The following UPRT variants were observed in gnomAD, a reference collection of about 807,000 sequenced individuals.
UPRT encodes RP11-311P8.3.
A neutral mutation model predicts 22.6 loss-of-function variants in UPRT; 5 were observed. The observed-to-expected ratio is 0.22, with a 90% CI of 0.12 to 0.47. The LOEUF is 0.47. Ranked by LOEUF, UPRT falls within the 20% of genes least tolerant of loss-of-function variation. The pLI is 0.99. For missense variants in UPRT, 181 were observed against 239.9 expected (o/e 0.75, Z 1.62); for synonymous variants, 77 against 87.7 (o/e 0.88, Z 0.68).
At chrX:75,271,740 T>C (rs1014993819), upstream of UPRT, among the ~76,000 whole-genome samples, 7 of 111,659 alleles carry the variant, frequency 6.3e-5, no homozygotes, top group Non-Finnish European at 1.1e-4. Flanking sequence ...CTTCACAATC[T>C]ATACATCTGA....
chrX:75,177,614 T>C (rs997755020), intron 4 of UPRT, among the ~76,000 whole-genome samples: 27 of 111,696 alleles, frequency 2.4e-4, no homozygotes, highest in African/African-American at 8.5e-4. Context: ...TCTCTAGGGC[T>C]GGAGGAGTGA....
At chrX:75,213,988 A>G (rs1363524879) in intron 4 of UPRT, among the ~76,000 whole-genome samples, 1 of 112,063 alleles carries the variant, frequency 8.9e-6, no homozygotes, top group East Asian at 2.8e-4. Context: ...TTTAATTAAC[A>G]CCAATTAAAG....
At chrX:75,239,327 C>T (rs987975314) in intron 4 of UPRT, among the ~76,000 whole-genome samples, 2 of 111,292 alleles carry the variant, frequency 1.8e-5, no homozygotes, top group African/African-American at 6.5e-5. Context: ...TTGCTGTGAA[C>T]AACTTTATGT....
At chrX:75,233,083 A>C (rs188611754) in intron 4 of UPRT, among the ~76,000 whole-genome samples, 1 of 111,781 alleles carries the variant, frequency 8.9e-6, no homozygotes, top group South Asian at 3.8e-4. Context: ...ATACAGAGAA[A>C]TGCTTAAAGG....
intron 4 of UPRT, among the ~76,000 whole-genome samples, chrX:75,226,495 C>G (rs1459129237): frequency 1.8e-5 from 2 of 112,060 alleles, no homozygotes; most frequent in Non-Finnish European, 3.8e-5. Context: ...TCTGCTATTA[C>G]TGTTTTCCCT....
At chrX:75,273,944 C>A (rs1229312398), upstream of UPRT, 1 of 255,745 alleles carries the variant, frequency 3.9e-6, no homozygotes, top group Admixed American at 6.1e-5. Context: ...GGCCTCGCTG[C>A]GGGGGCTTAG....
chrX:75,205,919 G>A (rs2082364917), intron 4 of UPRT, among the ~76,000 whole-genome samples: 2 of 111,723 alleles, frequency 1.8e-5, no homozygotes, highest in African/African-American at 6.5e-5. Context: ...GGGGCTTTTG[G>A]GGAATGGCTC....
chrX:75,252,576 A>C (rs1479732339), intron 4 of UPRT, among the ~76,000 whole-genome samples: 1 of 112,017 alleles, frequency 8.9e-6, no homozygotes, highest in African/African-American at 3.2e-5. Context: ...AAATAGAAAC[A>C]CTTTTACACT....
At chrX:75,261,580 T>C (rs1238022688) in intron 4 of UPRT, among the ~76,000 whole-genome samples, 2 of 111,829 alleles carry the variant, frequency 1.8e-5, no homozygotes, top group Non-Finnish European at 3.8e-5. Flanking sequence ...CACAGCTGAA[T>C]TTGACTAGAG....
rs186164226 is a variant in UPRT at position 75,170,956 on chromosome X, A to T, written c.-447+3077A>T. Among the ~76,000 whole-genome samples, 5 of 111,257 alleles carry T rather than the reference A, an allele frequency of 4.5e-5. No homozygotes were observed. The East Asian group carries it at 1.4e-3, about 32-fold the overall frequency. ...TGAGAAATCTGCGTTATTCTGATAG[A>T]TTTTCCTTTATAGGTTCCCTGGTGT... On this transcript the variant is annotated intron_variant, in intron 4 of 13. Coordinates refer to the UPRT transcript ENST00000652605.
In UPRT at chrX:75,304,489, T is replaced by G. The variant is rs1300176200; in HGVS notation, c.*978T>G. The G allele has an allele frequency of 8.9e-6, 1 of 112,189 alleles. No homozygotes were observed. The highest frequency in any genetic ancestry group is 1.9e-5 in the Non-Finnish European group (1 of 53,292). The allele number at this position is 112,189 out of a possible 1,213,427, so 9.2% of individuals were successfully genotyped here. A position where few individuals can be genotyped will look rare whatever the true frequency, so the allele number is the denominator to read the frequency against. ...CCCTAAGATTTGTATATGTTCATCTTTAGGCTTCTGAAAGGGAGAGAAATC... is the reference window on the plus strand; with the variant it reads ...CCCTAAGATTTGTATATGTTCATCTGTAGGCTTCTGAAAGGGAGAGAAATC... On this transcript the variant is annotated 3_prime_UTR_variant, in exon 7 of 7. Transcript: ENST00000373383.
intron 4 of UPRT, among the ~76,000 whole-genome samples, chrX:75,190,952 T>C (rs867572994): frequency 7.2e-5 from 8 of 111,802 alleles, no homozygotes; most frequent in African/African-American, 2.0e-4. Flanking sequence ...AGAGGTTTGT[T>C]GTCTGATGCC....
chrX:75,203,096 AG>A (rs2082351809), intron 4 of UPRT, among the ~76,000 whole-genome samples: 1 of 111,877 alleles, frequency 8.9e-6, no homozygotes, highest in African/African-American at 3.3e-5. Flanking sequence ...AAAGGGATGA[AG>A]AAAAATTAAC....
intron 4 of UPRT, among the ~76,000 whole-genome samples, chrX:75,182,508 G>A (rs1230138069): frequency 3.6e-5 from 4 of 111,028 alleles, no homozygotes; most frequent in Non-Finnish European, 7.6e-5. Flanking sequence ...GGTTTATAGG[G>A]TTTTTATTAT....
At chrX:75,272,374 G>GTA (rs1175380848), upstream of UPRT, among the ~76,000 whole-genome samples, 18 of 92,483 alleles carry the variant, frequency 1.9e-4, no homozygotes, top group Non-Finnish European at 3.2e-4. Flanking sequence ...ATATATATAT[G>GTA]TATATATATA....
chrX:75,274,022 C>G (rs914944411), upstream of UPRT: 1 of 391,686 alleles, frequency 2.6e-6, no homozygotes, highest in Non-Finnish European at 4.2e-6. Flanking sequence ...CGCAGAGTGG[C>G]GGGGAGTGCA....
chrX:75,183,172 C>T (rs1055727844), intron 4 of UPRT, among the ~76,000 whole-genome samples: 2 of 110,283 alleles, frequency 1.8e-5, no homozygotes, highest in Non-Finnish European at 3.8e-5. Context: ...TCCATCCCCC[C>T]TCCCCGCACC....
At chrX:75,201,607 A>G (rs1419939874) in intron 4 of UPRT, 1 of 116,094 alleles carries the variant, frequency 8.6e-6, no homozygotes, top group Non-Finnish European at 1.9e-5. Flanking sequence ...AAGGCTATGC[A>G]GGAAAAAACC....
chrX:75,179,813 C>T (rs745570352), intron 4 of UPRT, among the ~76,000 whole-genome samples: 3,230 of 112,360 alleles, frequency 0.029, 117 homozygotes, highest in African/African-American at 0.099. Flanking sequence ...CTGCTCCGAG[C>T]GCGGGGCCCG....
Sources: gnomAD v4.1 joint callset for allele counts (sites outside exome capture counted in the v4.1 genomes callset) on GRCh38, gnomAD v4.1.1 for gene constraint, MANE v1.5 for transcripts, NCBI Gene and HGNC (gene_info 2026-07-23, HGNC 2026-07-21) for gene names.